STAG1: variants seen among roughly 807,000 people sequenced by gnomAD.
The protein encoded by STAG1 is STAG1 cohesin complex component.
Under a neutral mutation model 170.9 loss-of-function variants are expected in STAG1, and 26 were observed. The observed-to-expected ratio is 0.15, with a 90% CI of 0.11 to 0.21. The LOEUF (loss-of-function observed/expected upper bound fraction) is 0.21, where lower values mean the gene tolerates loss of function less well. STAG1 is among the 10% of genes least tolerant of loss of function. STAG1 has a pLI of 1.00. For synonymous variants in STAG1, 514 were observed against 497.7 expected (o/e 1.03, Z -0.44); for missense variants, 964 against 1,509.5 (o/e 0.64, Z 5.99).
At chr3:136,603,786 C>A (rs559349418) in intron 4 of STAG1, among the ~76,000 whole-genome samples, 13 of 152,102 alleles carry the variant, frequency 8.5e-5, no homozygotes, top group Admixed American at 7.2e-4. Flanking sequence ...ACTCGGGAGG[C>A]TGAGGCAGGG....
intron 5 of STAG1, among the ~76,000 whole-genome samples, chr3:136,567,585 A>T (rs1390717553): frequency 6.6e-6 from 1 of 152,188 alleles, no homozygotes; most frequent in Non-Finnish European, 1.5e-5. Context: ...GGGCTGCATC[A>T]GCATCCCTTG....
intron 29 of STAG1, among the ~76,000 whole-genome samples, chr3:136,347,528 G>A (rs1281200943): frequency 6.6e-6 from 1 of 151,538 alleles, no homozygotes; most frequent in African/African-American, 2.4e-5. Flanking sequence ...AAGTCCCAAA[G>A]CTGTAATTTG....
intron 14 of STAG1, among the ~76,000 whole-genome samples, chr3:136,450,993 C>A (rs2088921396): frequency 6.6e-6 from 1 of 152,038 alleles, no homozygotes; most frequent in Non-Finnish European, 1.5e-5. Flanking sequence ...AAGTGATCTG[C>A]CCACCTCGGC....
rs11364802 is a variant in STAG1 at position 136,465,558 on chromosome 3, CAAAAAAAAAAAAA to C, written c.1206-583_1206-571del. 2.7e-4 allele frequency among the ~76,000 whole-genome samples: 13 copies of C among 48,224 alleles called. No individual in the cohort carries two copies. The East Asian group carries it at 2.7e-3, about 10-fold the overall frequency. The allele number at this position is 48,224 out of a possible 152,430, so 31.6% of individuals were successfully genotyped here. Reference sequence around the variant, plus strand: ...GTGGGACAGAGCAAGACTCTTGCCTCAAAAAAAAAAAAAAAAAAAAAAAAAAAAGGGAAAAGGA... The same window carrying C: ...GTGGGACAGAGCAAGACTCTTGCCTCAAAAAAAAAAAAAAAGGGAAAAGGA... On this transcript the variant is annotated intron_variant, in intron 12 of 33. Coordinates refer to ENST00000383202, the MANE Select transcript of STAG1 (RefSeq NM_005862.3).
At chr3:136,514,844 T>C (rs555544933) in intron 7 of STAG1, among the ~76,000 whole-genome samples, 39 of 151,922 alleles carry the variant, frequency 2.6e-4, no homozygotes, top group Admixed American at 1.1e-3. Context: ...TTCTCACTCA[T>C]AGGTGGGAAT....
At chr3:136,551,224 A>G (rs1440820061) in intron 5 of STAG1, among the ~76,000 whole-genome samples, 1 of 124,684 alleles carries the variant, frequency 8.0e-6, no homozygotes, top group African/African-American at 2.9e-5. Context: ...AGAGAGAGAG[A>G]GAGAGAGAGA....
chr3:136,523,891 G>C (rs2107911854), intron 6 of STAG1, among the ~76,000 whole-genome samples: 1 of 152,212 alleles, frequency 6.6e-6, no homozygotes. Context: ...GTTTGTCAAA[G>C]ATCAGATAGT....
At chr3:136,684,283 T>C (rs1012002193) in intron 1 of STAG1, among the ~76,000 whole-genome samples, 2 of 152,210 alleles carry the variant, frequency 1.3e-5, no homozygotes, top group African/African-American at 2.4e-5. Flanking sequence ...CAAGATTTAC[T>C]ATAAATCTAC....
At chr3:136,710,888 T>C (rs1027936956) in intron 1 of STAG1, among the ~76,000 whole-genome samples, 1 of 151,968 alleles carries the variant, frequency 6.6e-6, no homozygotes, top group African/African-American at 2.4e-5. Flanking sequence ...AATGACACCA[T>C]CAGAAGCATT....
rs374066787 is a variant in STAG1 at position 136,338,230 on chromosome 3, A to T, written c.*24T>A. 2 of 1,565,826 alleles carry T rather than the reference A, an allele frequency of 1.3e-6. No homozygotes were observed. Among genetic ancestry groups the T allele is most frequent in the Middle Eastern group, 2.2e-4 (1 of 4,508 alleles). ...CTCTAGCTCTAAATAATAGAGTTCC[A>T]GATTTGTAAATTTTCTTCAGACTTC... is the stretch of plus-strand genomic sequence containing the variant. On this transcript the variant is annotated 3_prime_UTR_variant, in exon 34 of 34. Transcript: ENST00000383202.
At chr3:136,351,246 G>A (rs1452039243) in intron 28 of STAG1, among the ~76,000 whole-genome samples, 1 of 151,312 alleles carries the variant, frequency 6.6e-6, no homozygotes, top group Non-Finnish European at 1.5e-5. Flanking sequence ...GTTATTAATA[G>A]GTTGCTGAGC....
chr3:136,612,557 G>A (rs1305568181), intron 3 of STAG1, among the ~76,000 whole-genome samples: 7 of 152,208 alleles, frequency 4.6e-5, no homozygotes, highest in Non-Finnish European at 1.0e-4. Context: ...GCTGGACACG[G>A]TGGCATGTGC....
intron 13 of STAG1, among the ~76,000 whole-genome samples, chr3:136,464,336 T>C (rs2089385203): frequency 6.6e-6 from 1 of 151,920 alleles, no homozygotes; most frequent in Admixed American, 6.6e-5. Flanking sequence ...GGTAGGATAA[T>C]CGCTTGAACC....
In STAG1 at chr3:136,393,699, G is replaced by A. The variant is rs182779279; in HGVS notation, c.2277+5050C>T. Among the ~76,000 whole-genome samples the A allele has an allele frequency of 3.3e-5, 5 of 150,614 alleles. No individual in the cohort carries two copies. The East Asian group carries it at 9.9e-4, about 30-fold the overall frequency. ...ATCTCTACCTGCTGTGGGTTCAGGC[G>A]ATTCTCCTGCCTCAGACTCCCGAGT... is the stretch of plus-strand genomic sequence containing the variant. On this transcript the variant is annotated intron_variant, in intron 22 of 33. Transcript: ENST00000383202.
intron 1 of STAG1, among the ~76,000 whole-genome samples, chr3:136,748,805 T>C (rs1318674263): frequency 1.3e-5 from 2 of 152,236 alleles, no homozygotes; most frequent in East Asian, 1.9e-4. Flanking sequence ...CTCCCTTCTT[T>C]ATAACGTTTT....
At chr3:136,659,588 G>A (rs1422629703) in intron 1 of STAG1, among the ~76,000 whole-genome samples, 1 of 152,122 alleles carries the variant, frequency 6.6e-6, no homozygotes, top group Non-Finnish European at 1.5e-5. Flanking sequence ...CAAATGAAAC[G>A]GAAAACTCAA....
chr3:136,633,719 G>C (rs1940427628), intron 1 of STAG1, among the ~76,000 whole-genome samples: 1 of 137,596 alleles, frequency 7.3e-6, no homozygotes, highest in South Asian at 2.5e-4. Flanking sequence ...AAGGGGGGGG[G>C]GGGGGTCAGG....
chr3:136,617,263 G>T (rs373238275), intron 3 of STAG1, among the ~76,000 whole-genome samples: 21 of 152,306 alleles, frequency 1.4e-4, no homozygotes, highest in African/African-American at 5.1e-4. Flanking sequence ...GTGTAGCAGG[G>T]GAAATTGAGA....
chr3:136,582,581 C>T (rs779542422), intron 4 of STAG1, among the ~76,000 whole-genome samples: 11 of 152,186 alleles, frequency 7.2e-5, no homozygotes, highest in Non-Finnish European at 1.6e-4. Context: ...GGTGGATCAT[C>T]TGAGGTCAGG....
Sources: allele counts gnomAD v4.1 joint callset (sites outside exome capture counted in the v4.1 genomes callset), GRCh38; gene constraint gnomAD v4.1.1; transcripts MANE v1.5; gene names NCBI Gene and HGNC (gene_info 2026-07-23, HGNC 2026-07-21).